The following PACRG variants were observed in gnomAD, a reference collection of about 807,000 sequenced individuals.
The protein encoded by PACRG is parkin coregulated gene protein.
In PACRG, 29 loss-of-function variants were observed where a neutral mutation model predicts 29.7. The ratio of observed to expected loss-of-function variants is 0.98; its 90% CI spans 0.73 to 1.33. The LOEUF is 1.33. Among genes scored for constraint, PACRG ranks in the 40% most tolerant of loss-of-function variants. The pLI, the probability that PACRG is intolerant of heterozygous loss-of-function variation, is 0.00. For synonymous variants in PACRG, 116 were observed against 118.7 expected (o/e 0.98, Z 0.15); for missense variants, 279 against 316.2 (o/e 0.88, Z 0.89).
chr6:162,911,692 C>T (rs560879480), intron 2 of PACRG, among the ~76,000 whole-genome samples: 1 of 152,252 alleles, frequency 6.6e-6, no homozygotes, highest in Admixed American at 6.5e-5. Context: ...TGGCAAATTG[C>T]TCTCTACCCA....
intron 2 of PACRG, among the ~76,000 whole-genome samples, chr6:162,886,678 TCA>T (rs1334485686): frequency 6.6e-6 from 1 of 152,182 alleles, no homozygotes; most frequent in African/African-American, 2.4e-5. Context: ...TATTTTTATG[TCA>T]CAGAGATGAA....
chr6:162,787,557 ATT>A (rs1784564266), intron 1 of PACRG, among the ~76,000 whole-genome samples: 1 of 57,448 alleles, frequency 1.7e-5, no homozygotes, highest in African/African-American at 7.5e-5. Flanking sequence ...ATATATGGTT[ATT>A]GTGTGTGTGT....
chr6:162,859,008 C>A (rs548261011), intron 2 of PACRG, among the ~76,000 whole-genome samples: 2 of 152,278 alleles, frequency 1.3e-5, no homozygotes, highest in East Asian at 1.9e-4. Context: ...TAAAACAGTA[C>A]ACAAAGGTGC....
At chr6:163,164,129 T>C (rs536846919) in intron 4 of PACRG, among the ~76,000 whole-genome samples, 1 of 152,320 alleles carries the variant, frequency 6.6e-6, no homozygotes, top group South Asian at 2.1e-4. Context: ...ATGTAAAATA[T>C]TTGTTTTTGA....
chr6:163,073,622 A>G (rs1160015083), intron 3 of PACRG, among the ~76,000 whole-genome samples: 1 of 152,238 alleles, frequency 6.6e-6, no homozygotes, highest in Admixed American at 6.5e-5. Flanking sequence ...TAGCAAAGGA[A>G]ACAATCAACA....
chr6:162,908,338 G>A (rs894512950), intron 2 of PACRG, among the ~76,000 whole-genome samples: 4 of 152,116 alleles, frequency 2.6e-5, no homozygotes, highest in Non-Finnish European at 4.4e-5. Context: ...TATCATAATC[G>A]TGTTTAGGAC....
chr6:163,113,822 G>A (rs990432145), intron 4 of PACRG, among the ~76,000 whole-genome samples: 1 of 151,984 alleles, frequency 6.6e-6, no homozygotes, highest in Non-Finnish European at 1.5e-5. Context: ...TAAAGGTCTC[G>A]GTAAAGGTAA....
intron 1 of PACRG, among the ~76,000 whole-genome samples, chr6:162,795,409 C>T (rs1427736196): frequency 1.3e-5 from 2 of 152,128 alleles, no homozygotes; most frequent in Admixed American, 1.3e-4. Flanking sequence ...GATGTCCCAA[C>T]ACCAGTTAAT....
At chr6:162,972,826 A>G (rs993712980) in intron 2 of PACRG, among the ~76,000 whole-genome samples, 2 of 152,138 alleles carry the variant, frequency 1.3e-5, no homozygotes, top group Non-Finnish European at 2.9e-5. Flanking sequence ...CTAACACCCT[A>G]TAAGAGTAAA....
At chr6:163,069,657 A>G (rs1477388567) in intron 3 of PACRG, among the ~76,000 whole-genome samples, 1 of 152,116 alleles carries the variant, frequency 6.6e-6, no homozygotes, top group Non-Finnish European at 1.5e-5. Context: ...GCACACTTAC[A>G]GGATCTAGAA....
At chr6:163,036,333 A>G (rs946465055) in intron 2 of PACRG, among the ~76,000 whole-genome samples, 5 of 152,234 alleles carry the variant, frequency 3.3e-5, no homozygotes, top group African/African-American at 1.2e-4. Flanking sequence ...GAGTACAGAC[A>G]GTACTGAATC....
At chr6:163,305,576 C>A (rs1034493178) in intron 4 of PACRG, among the ~76,000 whole-genome samples, 1 of 152,112 alleles carries the variant, frequency 6.6e-6, no homozygotes, top group Non-Finnish European at 1.5e-5. Flanking sequence ...ATAATAAATG[C>A]CCATAAAGAT....
intron 2 of PACRG, among the ~76,000 whole-genome samples, chr6:163,059,911 T>C (rs929268127): frequency 5.9e-5 from 9 of 152,166 alleles, no homozygotes; most frequent in African/African-American, 1.9e-4. Context: ...AAAATAGACA[T>C]GTCAACAGTC....
At chr6:163,023,518 T>C (rs1446089853) in intron 2 of PACRG, among the ~76,000 whole-genome samples, 1 of 152,242 alleles carries the variant, frequency 6.6e-6, no homozygotes, top group African/African-American at 2.4e-5. Flanking sequence ...TCATTGTGAA[T>C]AGTGCAGTGA....
chr6:162,806,549 A>T (rs1786347510), intron 1 of PACRG, among the ~76,000 whole-genome samples: 1 of 152,180 alleles, frequency 6.6e-6, no homozygotes, highest in Admixed American at 6.5e-5. Context: ...TCAGAGCTCT[A>T]GGGATACCAA....
chr6:163,244,065 G>C (rs762609310), intron 4 of PACRG, among the ~76,000 whole-genome samples: 2 of 152,198 alleles, frequency 1.3e-5, no homozygotes, highest in Non-Finnish European at 2.9e-5. Flanking sequence ...GGCCACTTTT[G>C]TGTGTTCATT....
At chr6:163,197,447 T>G (rs1322748884) in intron 4 of PACRG, among the ~76,000 whole-genome samples, 1 of 142,046 alleles carries the variant, frequency 7.0e-6, no homozygotes, top group Non-Finnish European at 1.5e-5. Flanking sequence ...TTTTTTTTTT[T>G]TTTTTTTTTT....
At chr6:162,986,231 C>CA (rs1213244338) in intron 2 of PACRG, among the ~76,000 whole-genome samples, 2 of 151,916 alleles carry the variant, frequency 1.3e-5, no homozygotes, top group African/African-American at 4.8e-5. Flanking sequence ...CATATAGAAC[C>CA]AAAAAAGATC....
intron 4 of PACRG, among the ~76,000 whole-genome samples, chr6:163,248,735 A>G (rs1387413610): frequency 2.0e-5 from 3 of 152,162 alleles, no homozygotes; most frequent in Non-Finnish European, 4.4e-5. Flanking sequence ...CTTTCTAGAA[A>G]AAGGGCATGA....
Sources: allele counts gnomAD v4.1 joint callset (sites outside exome capture counted in the v4.1 genomes callset), GRCh38; gene constraint gnomAD v4.1.1; transcripts MANE v1.5; gene names NCBI Gene and HGNC (gene_info 2026-07-23, HGNC 2026-07-21).